The following SLC24A3 variants were observed in gnomAD, a reference collection of about 807,000 sequenced individuals.
SLC24A3 encodes sodium/potassium/calcium exchanger 3.
SLC24A3 carries 28 observed loss-of-function variants against 75.8 expected under a neutral mutation model. The ratio of observed to expected loss-of-function variants is 0.37; its 90% CI spans 0.27 to 0.51. The LOEUF (loss-of-function observed/expected upper bound fraction) is 0.51, where lower values mean the gene tolerates loss of function less well. Among genes scored for constraint, SLC24A3 ranks in the 20% least tolerant of loss-of-function variants. The probability of loss-of-function intolerance (pLI) is 0.94; values close to 1 mark genes in which losing one functional copy is unlikely to be tolerated. For missense variants in SLC24A3, 663 were observed against 847.8 expected (o/e 0.78, Z 2.71); for synonymous variants, 372 against 334.1 (o/e 1.11, Z -1.24).
intron 1 of SLC24A3, among the ~76,000 whole-genome samples, chr20:19,247,284 T>C (rs1042930089): frequency 7.9e-5 from 12 of 152,218 alleles, no homozygotes; most frequent in African/African-American, 2.9e-4. Flanking sequence ...GAATTCTGTG[T>C]GCAAATTATG....
At chr20:19,712,243 G>A (rs538495078) in intron 15 of SLC24A3, among the ~76,000 whole-genome samples, 7 of 152,118 alleles carry the variant, frequency 4.6e-5, no homozygotes, top group Non-Finnish European at 8.8e-5. Flanking sequence ...AAGTCACCAC[G>A]CCTGGCCCAG....
At chr20:19,662,541 G>A (rs751726506) in intron 7 of SLC24A3, among the ~76,000 whole-genome samples, 1 of 152,214 alleles carries the variant, frequency 6.6e-6, no homozygotes, top group South Asian at 2.1e-4. Context: ...TCACTACCTT[G>A]GCAGGCTGGA....
At chr20:19,397,278 AT>A (rs1986470446) in intron 2 of SLC24A3, among the ~76,000 whole-genome samples, 1 of 152,078 alleles carries the variant, frequency 6.6e-6, no homozygotes, top group Non-Finnish European at 1.5e-5. Flanking sequence ...CACAATCCAT[AT>A]TTTTTCTCCT....
intron 3 of SLC24A3, among the ~76,000 whole-genome samples, chr20:19,570,501 C>T (rs975954474): frequency 1.2e-4 from 19 of 152,128 alleles, no homozygotes; most frequent in Non-Finnish European, 1.0e-4. Context: ...TGGGCCCCAA[C>T]CCAGATTGCT....
chr20:19,222,197 T>C (rs1466074137), intron 1 of SLC24A3, among the ~76,000 whole-genome samples: 1 of 152,212 alleles, frequency 6.6e-6, no homozygotes, highest in Non-Finnish European at 1.5e-5. Flanking sequence ...TGGTACAATA[T>C]CATCTCCCAT....
chr20:19,715,733 A>G (rs1407809042), intron 15 of SLC24A3, among the ~76,000 whole-genome samples: 3 of 152,180 alleles, frequency 2.0e-5, no homozygotes, highest in African/African-American at 7.2e-5. Flanking sequence ...TCATGCCAAG[A>G]GGTACCTTAA....
intron 2 of SLC24A3, among the ~76,000 whole-genome samples, chr20:19,321,603 C>T (rs1442084167): frequency 1.3e-5 from 2 of 152,180 alleles, no homozygotes; most frequent in Non-Finnish European, 1.5e-5. Flanking sequence ...TTAAGATTAT[C>T]TTATGTCTTA....
chr20:19,312,072 C>T (rs1278704715), intron 2 of SLC24A3, among the ~76,000 whole-genome samples: 2 of 152,122 alleles, frequency 1.3e-5, no homozygotes, highest in Non-Finnish European at 1.5e-5. Flanking sequence ...AGATCACTGC[C>T]CGGATGGAAA....
intron 2 of SLC24A3, among the ~76,000 whole-genome samples, chr20:19,430,880 G>C (rs150095914): frequency 9.9e-5 from 15 of 152,026 alleles, no homozygotes; most frequent in African/African-American, 3.6e-4. Flanking sequence ...ACGCAGACAC[G>C]GTCACACCCT....
In SLC24A3 at chr20:19,592,171, G is replaced by A. The variant is rs1360205987; in HGVS notation, c.612+6627G>A. Among the ~76,000 whole-genome samples, 5 of 152,262 alleles carry A rather than the reference G, an allele frequency of 3.3e-5. No homozygotes were observed. The South Asian group carries it at 8.3e-4, about 25-fold the overall frequency. On this transcript the variant is annotated intron_variant, in intron 6 of 16. Coordinates refer to ENST00000328041, the MANE Select transcript of SLC24A3 (RefSeq NM_020689.4). The stretch of plus-strand genomic sequence containing the variant: ...TTAGCCATTCTATTGAGCACGAGTG[G>A]CACGTCACTGTGGTTTTAATTTGCA...
At position 19,502,372 on chromosome 20, in the gene SLC24A3, C is replaced by T. The variant is rs111845084; in HGVS notation, c.272-13116C>T. Among the ~76,000 whole-genome samples, 1,399 of 152,240 alleles carry T rather than the reference C, an allele frequency of 9.2e-3. 21 individuals are homozygous for T. The highest frequency in any genetic ancestry group is 0.039 in the South Asian group (189 of 4,818). On this transcript the variant is annotated intron_variant, in intron 2 of 16. Transcript: ENST00000328041. ...CCACGCGGCCCAGGGAAAACAACAG[C>T]TGAAAGGCTGAAAGCGGATATGTCA...
chr20:19,651,563 T>C (rs2032203193), intron 6 of SLC24A3, among the ~76,000 whole-genome samples: 1 of 151,902 alleles, frequency 6.6e-6, no homozygotes. Flanking sequence ...CCTTTTGCTA[T>C]GAAAATGCAT....
rs542210530 is a variant in SLC24A3 at position 19,232,094 on chromosome 20, G to A, written c.142+19110G>A. On this transcript the variant is annotated intron_variant, in intron 1 of 16. Coordinates refer to ENST00000328041, the MANE Select transcript of SLC24A3 (RefSeq NM_020689.4). ...AATGGAAGCTAACTTTTATCTTGTG[G>A]TGGAATACTGTAGATTATATAAGTA... Among the ~76,000 whole-genome samples, 3 of 152,228 alleles carry A rather than the reference G, an allele frequency of 2.0e-5. No homozygotes were observed. The South Asian group carries it at 6.2e-4, about 32-fold the overall frequency.
chr20:19,471,689 A>G (rs534187045), intron 2 of SLC24A3, among the ~76,000 whole-genome samples: 1 of 152,310 alleles, frequency 6.6e-6, no homozygotes, highest in South Asian at 2.1e-4. Context: ...CTGTCGGGGA[A>G]GAGTGGGAAT....
chr20:19,641,224 A>C (rs1011266249), intron 6 of SLC24A3, among the ~76,000 whole-genome samples: 1 of 152,126 alleles, frequency 6.6e-6, no homozygotes, highest in African/African-American at 2.4e-5. Context: ...CCCTGGCCTC[A>C]AGTTCAGCCC....
intron 1 of SLC24A3, among the ~76,000 whole-genome samples, chr20:19,241,338 C>T (rs1255865818): frequency 2.6e-5 from 4 of 152,174 alleles, no homozygotes; most frequent in Admixed American, 2.6e-4. Flanking sequence ...GGTTTGTGCA[C>T]ACAATACTCG....
chr20:19,394,090 A>G (rs191453295), intron 2 of SLC24A3, among the ~76,000 whole-genome samples: 1 of 152,362 alleles, frequency 6.6e-6, no homozygotes, highest in Non-Finnish European at 1.5e-5. Context: ...AAGAGTTCCA[A>G]GACTATTCAA....
chr20:19,313,132 G>C (rs949932468), intron 2 of SLC24A3, among the ~76,000 whole-genome samples: 1 of 141,062 alleles, frequency 7.1e-6, no homozygotes, highest in Non-Finnish European at 1.5e-5. Context: ...TGCTTCCCAG[G>C]TTCAAGCGAT....
At chr20:19,305,612 C>A (rs1041571327) in intron 2 of SLC24A3, among the ~76,000 whole-genome samples, 3 of 152,014 alleles carry the variant, frequency 2.0e-5, no homozygotes, top group Non-Finnish European at 4.4e-5. Context: ...AATAAAGCCA[C>A]ATCTGGTCTT....
Sources: gnomAD v4.1 joint callset for allele counts (sites outside exome capture counted in the v4.1 genomes callset) on GRCh38, gnomAD v4.1.1 for gene constraint, MANE v1.5 for transcripts, NCBI Gene and HGNC (gene_info 2026-07-23, HGNC 2026-07-21) for gene names.